Variants in HS3ST5 observed in about 807,000 individuals in gnomAD.
HS3ST5 encodes heparan sulfate-glucosamine 3-sulfotransferase 5.
A neutral mutation model predicts 25.4 loss-of-function variants in HS3ST5; 10 were observed. The ratio of observed to expected loss-of-function variants is 0.39; its 90% CI spans 0.24 to 0.67. The LOEUF (loss-of-function observed/expected upper bound fraction) is 0.67. Among genes scored for constraint, HS3ST5 ranks in the 30% least tolerant of loss-of-function variants. The pLI is 0.44. For missense variants in HS3ST5, 324 were observed against 420.7 expected, an observed-to-expected ratio of 0.77 and a Z score of 2.01; for synonymous variants, 170 against 162.4, an observed-to-expected ratio of 1.05 and a Z score of -0.36.
At chr6:114,316,872 C>G (rs1451898405) in intron 1 of HS3ST5, among the ~76,000 whole-genome samples, 1 of 152,060 alleles carries the variant, frequency 6.6e-6, no homozygotes, top group East Asian at 1.9e-4. Context: ...ATTAGCTTCT[C>G]TGAAAGAGGT....
At chr6:114,129,908 T>C (rs376009488) in intron 3 of HS3ST5, among the ~76,000 whole-genome samples, 51 of 152,192 alleles carry the variant, frequency 3.4e-4, no homozygotes, top group African/African-American at 1.2e-3. Context: ...TAAAGCTGGT[T>C]TTAAAGAATG....
At chr6:114,191,266 G>A (rs890119138) in intron 2 of HS3ST5, among the ~76,000 whole-genome samples, 2 of 151,692 alleles carry the variant, frequency 1.3e-5, no homozygotes, top group Non-Finnish European at 1.5e-5. Context: ...TTCAATTACA[G>A]AGTAATTACT....
rs149642096 is a variant in HS3ST5 at position 114,250,903 on chromosome 6, C to A, written c.-338-22125G>T. Among the ~76,000 whole-genome samples the A allele has an allele frequency of 2.9e-3, 434 of 152,222 alleles. 3 individuals carry two copies. Among genetic ancestry groups the A allele is most frequent in the African/African-American group, 0.01 (418 of 41,540 alleles). Reference sequence around the variant, plus strand: ...AAAAGTTGAGTGTTTAGAAGTCTTACAGATACAGAAATCATTCTCAAGTGT... The same window carrying A: ...AAAAGTTGAGTGTTTAGAAGTCTTAAAGATACAGAAATCATTCTCAAGTGT... On this transcript the variant is annotated intron_variant, in intron 1 of 4. Transcript: ENST00000312719.
intron 1 of HS3ST5, among the ~76,000 whole-genome samples, chr6:114,310,207 G>C (rs1357439687): frequency 1.3e-5 from 2 of 152,114 alleles, no homozygotes; most frequent in African/African-American, 2.4e-5. Context: ...TTATAGTCCC[G>C]AGTAGGTGGC....
intron 1 of HS3ST5, among the ~76,000 whole-genome samples, chr6:114,287,546 G>A (rs369376836): frequency 9.6e-4 from 146 of 152,128 alleles, no homozygotes; most frequent in Non-Finnish European, 1.8e-3. Flanking sequence ...TTTAATCCAT[G>A]TAACATATTA....
chr6:114,315,743 A>G (rs1390982241), intron 1 of HS3ST5, among the ~76,000 whole-genome samples: 1 of 152,228 alleles, frequency 6.6e-6, no homozygotes, highest in Non-Finnish European at 1.5e-5. Context: ...GGTTATAGAC[A>G]TATATGTTCA....
intron 2 of HS3ST5, among the ~76,000 whole-genome samples, chr6:114,190,431 G>T (rs1780444810): frequency 1.3e-5 from 2 of 152,102 alleles, no homozygotes; most frequent in Non-Finnish European, 2.9e-5. Context: ...TAAATGATTT[G>T]TTGTTATTGT....
intron 1 of HS3ST5, among the ~76,000 whole-genome samples, chr6:114,261,093 T>C (rs924923678): frequency 1.3e-5 from 2 of 152,066 alleles, no homozygotes; most frequent in Non-Finnish European, 2.9e-5. Flanking sequence ...CCAAGTTCAG[T>C]GGCTTGAATA....
chr6:114,103,207 A>T (rs1775815559), intron 3 of HS3ST5, among the ~76,000 whole-genome samples: 1 of 152,102 alleles, frequency 6.6e-6, no homozygotes, highest in Non-Finnish European at 1.5e-5. Flanking sequence ...ATAAGTATGA[A>T]TTCATTTTAG....
At chr6:114,302,899 A>T (rs1201071740) in intron 1 of HS3ST5, among the ~76,000 whole-genome samples, 3 of 152,218 alleles carry the variant, frequency 2.0e-5, no homozygotes, top group Non-Finnish European at 4.4e-5. Flanking sequence ...TTGTTTGCCC[A>T]CATTTAAAAT....
intron 1 of HS3ST5, among the ~76,000 whole-genome samples, chr6:114,313,799 TA>T (rs1206656359): frequency 6.6e-6 from 1 of 152,240 alleles, no homozygotes; most frequent in Non-Finnish European, 1.5e-5. Context: ...TTATTGTATG[TA>T]AATTATGTAT....
At chr6:114,320,492 C>T (rs975859355) in intron 1 of HS3ST5, among the ~76,000 whole-genome samples, 1 of 152,078 alleles carries the variant, frequency 6.6e-6, no homozygotes, top group Non-Finnish European at 1.5e-5. Context: ...TAACCTCACT[C>T]CCATATTAAT....
intron 2 of HS3ST5, among the ~76,000 whole-genome samples, chr6:114,174,237 C>T (rs1779610778): frequency 6.6e-6 from 1 of 152,000 alleles, no homozygotes; most frequent in African/African-American, 2.4e-5. Flanking sequence ...TGTCACTTTC[C>T]TCAGGAAGAT....
At chr6:114,183,914 T>A (rs1318295319) in intron 2 of HS3ST5, among the ~76,000 whole-genome samples, 2 of 152,128 alleles carry the variant, frequency 1.3e-5, no homozygotes, top group Non-Finnish European at 2.9e-5. Context: ...GGAAAATAAG[T>A]GAGCTTTGTT....
chr6:114,293,533 T>C (rs1223428136), intron 1 of HS3ST5, among the ~76,000 whole-genome samples: 2 of 152,118 alleles, frequency 1.3e-5, no homozygotes, highest in Non-Finnish European at 2.9e-5. Flanking sequence ...GAGACTGTTG[T>C]AGTAAAATGA....
chr6:114,086,212 A>G (rs989318599), intron 3 of HS3ST5, among the ~76,000 whole-genome samples: 2 of 152,198 alleles, frequency 1.3e-5, no homozygotes, highest in Non-Finnish European at 2.9e-5. Flanking sequence ...AATTAATGTT[A>G]CTAATCAGCT....
intron 1 of HS3ST5, among the ~76,000 whole-genome samples, chr6:114,249,709 G>A (rs1422991767): frequency 1.3e-5 from 2 of 152,202 alleles, no homozygotes; most frequent in Admixed American, 6.5e-5. Flanking sequence ...GCTCTGGGGA[G>A]CCAGCTAAGT....
intron 1 of HS3ST5, among the ~76,000 whole-genome samples, chr6:114,287,241 A>G (rs1325626408): frequency 6.6e-6 from 1 of 152,006 alleles, no homozygotes; most frequent in Non-Finnish European, 1.5e-5. Flanking sequence ...CTTACTCTGT[A>G]CCAGTCACTC....
intron 1 of HS3ST5, among the ~76,000 whole-genome samples, chr6:114,319,773 T>C (rs906477508): frequency 1.3e-5 from 2 of 152,186 alleles, no homozygotes; most frequent in Non-Finnish European, 2.9e-5. Context: ...TCCCAGTCTT[T>C]TGCTACTACA....
Sources: gnomAD v4.1 joint callset for allele counts (sites outside exome capture counted in the v4.1 genomes callset) on GRCh38, gnomAD v4.1.1 for gene constraint, MANE v1.5 for transcripts, NCBI Gene and HGNC (gene_info 2026-07-23, HGNC 2026-07-21) for gene names.